The following ALK variants were observed in gnomAD, a reference collection of about 807,000 sequenced individuals.
The protein encoded by ALK is ALK tyrosine kinase receptor.
A neutral mutation model predicts 163.1 loss-of-function variants in ALK; 74 were observed. That is an observed-to-expected ratio of 0.45 (90% CI 0.38 to 0.55). The LOEUF is 0.55. Among genes scored for constraint, ALK ranks in the 20% least tolerant of loss-of-function variants. The pLI is 0.00. For synonymous variants in ALK, 960 were observed against 843.2 expected (o/e 1.14, Z -2.40); for missense variants, 2,063 against 2,105.3 (o/e 0.98, Z 0.39).
Position 29,605,160 on chromosome 2 carries a change from G to A in ALK, c.953-73044C>T, listed in dbSNP as rs917681640. 1.2e-4 allele frequency among the ~76,000 whole-genome samples: 19 copies of A among 152,222 alleles called. No individual in the cohort carries two copies. In the South Asian group the frequency reaches 2.1e-3, roughly 17 times the overall value. On this transcript the variant is annotated intron_variant, in intron 3 of 28. Coordinates refer to ENST00000389048, the MANE Select transcript of ALK (RefSeq NM_004304.5). ...CAGTTTTTCCACGGACAGGGGGGTG[G>A]GTAGCGATTACGTTCTCATAAGGAG...
At chr2:29,802,851 A>C (rs910118119) in intron 1 of ALK, among the ~76,000 whole-genome samples, 23 of 151,572 alleles carry the variant, frequency 1.5e-4, no homozygotes, top group Admixed American at 1.0e-3. Flanking sequence ...AGGGTTGAAA[A>C]ACCAAACAGA....
chr2:29,602,887 A>G (rs1675417219), intron 3 of ALK, among the ~76,000 whole-genome samples: 1 of 152,218 alleles, frequency 6.6e-6, no homozygotes, highest in Non-Finnish European at 1.5e-5. Flanking sequence ...TCCTGAGAAC[A>G]TGTGCCCAAG....
intron 3 of ALK, among the ~76,000 whole-genome samples, chr2:29,645,740 T>C (rs776095525): frequency 7.9e-5 from 12 of 152,074 alleles, no homozygotes; most frequent in Non-Finnish European, 1.5e-4. Context: ...TCCTTGGCCA[T>C]AGACAGCATT....
chr2:29,653,469 C>T (rs1388973421), intron 3 of ALK, among the ~76,000 whole-genome samples: 2 of 152,080 alleles, frequency 1.3e-5, no homozygotes, highest in Non-Finnish European at 2.9e-5. Flanking sequence ...AGGGTTGGAT[C>T]GTCTTCCGTT....
At chr2:29,680,252 T>C (rs1678022791) in intron 3 of ALK, among the ~76,000 whole-genome samples, 1 of 152,080 alleles carries the variant, frequency 6.6e-6, no homozygotes, top group African/African-American at 2.4e-5. Context: ...TAGGCCATTA[T>C]TTCTTCAAAA....
chr2:29,857,372 AAT>A (rs1666167142), intron 1 of ALK, among the ~76,000 whole-genome samples: 1 of 152,186 alleles, frequency 6.6e-6, no homozygotes, highest in Admixed American at 6.6e-5. Flanking sequence ...GATTCCAGTT[AAT>A]ATGTTTCAGT....
In ALK at chr2:29,916,299, C is replaced by A. The variant is rs369885679; in HGVS notation, c.667+3694G>T. On this transcript the variant is annotated intron_variant, in intron 1 of 28. Transcript: ENST00000389048. The stretch of plus-strand genomic sequence containing the variant: ...TACTTCCATGGGCCACGCTAAATAA[C>A]TCCTCTCCTTCACTGCCACTCTCTC... 9.2e-5 allele frequency among the ~76,000 whole-genome samples: 14 copies of A among 152,220 alleles called. No homozygotes were observed. In the East Asian group the frequency reaches 1.2e-3, roughly 13 times the overall value.
intron 2 of ALK, among the ~76,000 whole-genome samples, chr2:29,710,718 G>A (rs986290853): frequency 1.3e-5 from 2 of 152,260 alleles, no homozygotes; most frequent in African/African-American, 4.8e-5. Context: ...CACCATGTTA[G>A]CCAGGCTGGT....
chr2:29,787,699 A>C (rs1400542692), intron 1 of ALK, among the ~76,000 whole-genome samples: 1 of 152,224 alleles, frequency 6.6e-6, no homozygotes, highest in African/African-American at 2.4e-5. Context: ...AAGTATGCAG[A>C]TAAGAGGCTG....
At chr2:29,361,333 C>T (rs547064469) in intron 5 of ALK, among the ~76,000 whole-genome samples, 2 of 152,302 alleles carry the variant, frequency 1.3e-5, no homozygotes, top group East Asian at 3.9e-4. Context: ...AATGCATTAG[C>T]AGGAGATAAT....
At chr2:29,683,281 G>A (rs556510770) in intron 3 of ALK, among the ~76,000 whole-genome samples, 31 of 152,246 alleles carry the variant, frequency 2.0e-4, no homozygotes, top group African/African-American at 7.0e-4. Context: ...GGAAGCTGAG[G>A]CAGGAGAATC....
intron 5 of ALK, among the ~76,000 whole-genome samples, chr2:29,333,507 C>A (rs75181853): frequency 6.6e-6 from 1 of 152,090 alleles, no homozygotes; most frequent in African/African-American, 2.4e-5. Context: ...TGTTTTCATA[C>A]TGAGTTGTAT....
At chr2:29,692,544 G>T (rs565225436) in intron 3 of ALK, among the ~76,000 whole-genome samples, 11 of 152,224 alleles carry the variant, frequency 7.2e-5, no homozygotes, top group Non-Finnish European at 1.5e-4. Context: ...GTCTGTGTGT[G>T]TGCACAGTGC....
At chr2:29,442,666 A>G (rs1670576175) in intron 4 of ALK, among the ~76,000 whole-genome samples, 1 of 152,128 alleles carries the variant, frequency 6.6e-6, no homozygotes, top group Non-Finnish European at 1.5e-5. Context: ...AATGAGAGTA[A>G]AAGCACACCT....
chr2:29,581,968 T>A (rs1173024175), intron 3 of ALK, among the ~76,000 whole-genome samples: 2 of 152,176 alleles, frequency 1.3e-5, no homozygotes. Context: ...GAGGTGGCCA[T>A]GGCACAATCC....
At chr2:29,872,573 T>C (rs1273057456) in intron 1 of ALK, among the ~76,000 whole-genome samples, 6 of 152,194 alleles carry the variant, frequency 3.9e-5, no homozygotes, top group Non-Finnish European at 8.8e-5. Context: ...CATGGTTGTG[T>C]GGCTGACTGG....
At chr2:29,676,747 G>A (rs1339151155) in intron 3 of ALK, among the ~76,000 whole-genome samples, 1 of 151,876 alleles carries the variant, frequency 6.6e-6, no homozygotes, top group African/African-American at 2.4e-5. Flanking sequence ...CCATCTTGAA[G>A]CTATTGATAT....
chr2:29,197,726 C>T (rs2148143780), intron 26 of ALK, 50 bp from the exon 27 acceptor site: 1 of 1,416,506 alleles, frequency 7.1e-7, no homozygotes, highest in Non-Finnish European at 1.0e-6. Context: ...CACCCACCCA[C>T]ATTCACACAC....
chr2:29,700,720 A>G (rs1363548906), intron 2 of ALK, among the ~76,000 whole-genome samples: 1 of 152,256 alleles, frequency 6.6e-6, no homozygotes, highest in Non-Finnish European at 1.5e-5. Context: ...GACTGAATTC[A>G]TTAACAATTA....
Sources: allele counts gnomAD v4.1 joint callset (sites outside exome capture counted in the v4.1 genomes callset), GRCh38; gene constraint gnomAD v4.1.1; transcripts MANE v1.5; gene names NCBI Gene and HGNC (gene_info 2026-07-23, HGNC 2026-07-21).